Variants in PLD5 observed in about 807,000 individuals in gnomAD.
PLD5 encodes the protein phospholipase D family member 5, also known as inactive phospholipase D5.
Under a neutral mutation model 61.1 loss-of-function variants are expected in PLD5, and 36 were observed. The observed-to-expected ratio is 0.59, with a 90% CI of 0.45 to 0.78. PLD5 has a LOEUF of 0.78. Ranked by LOEUF, PLD5 falls within the 30% of genes least tolerant of loss-of-function variation. The pLI is 0.00. For synonymous variants in PLD5, 243 were observed against 242.8 expected (o/e 1.00, Z -0.01); for missense variants, 515 against 644.4 (o/e 0.80, Z 2.17).
At position 242,201,666 on chromosome 1, in the gene PLD5, TTAA is replaced by T. The variant is rs113877324; in HGVS notation, c.735+18319_735+18321del. ...CCTCCTGAATAGCAGTGAAACATTT[TTAA>T]TAATAAAAATTTAATAATTTTTAAT... On this transcript the variant is annotated intron_variant, in intron 5 of 9. Transcript: ENST00000536534. Among the ~76,000 whole-genome samples the T allele has an allele frequency of 1.1e-4, 17 of 152,244 alleles. 1 individual carries two copies. Among genetic ancestry groups the T allele is most frequent in the African/African-American group, 4.1e-4 (17 of 41,566 alleles).
chr1:242,156,506 T>C (rs1665384633), intron 5 of PLD5, among the ~76,000 whole-genome samples: 1 of 152,170 alleles, frequency 6.6e-6, no homozygotes, highest in African/African-American at 2.4e-5. Flanking sequence ...TTCCTTTCCT[T>C]GTTTAGTGCT....
chr1:242,229,890 C>T (rs9633360), intron 4 of PLD5, among the ~76,000 whole-genome samples: 31,920 of 150,382 alleles, frequency 0.21, 3,717 homozygotes, highest in East Asian at 0.38. Flanking sequence ...CTGGTAAGAC[C>T]TCTAAAAAAA....
chr1:242,206,330 C>T (rs1163872590), intron 5 of PLD5, among the ~76,000 whole-genome samples: 1 of 152,216 alleles, frequency 6.6e-6, no homozygotes, highest in Non-Finnish European at 1.5e-5. Flanking sequence ...TATGATGCAG[C>T]TCTTGCCAGG....
chr1:242,413,937 T>C (rs75566631), intron 1 of PLD5, among the ~76,000 whole-genome samples: 5,655 of 152,228 alleles, frequency 0.037, 367 homozygotes, highest in African/African-American at 0.13. Flanking sequence ...AAGATTTTTG[T>C]CCTGCAGATA....
At chr1:242,244,071 T>C (rs1325196619) in intron 4 of PLD5, among the ~76,000 whole-genome samples, 1 of 152,198 alleles carries the variant, frequency 6.6e-6, no homozygotes, top group Non-Finnish European at 1.5e-5. Context: ...AGAATAAATA[T>C]GCCTTCCATT....
intron 5 of PLD5, among the ~76,000 whole-genome samples, chr1:242,193,060 T>G (rs1019467205): frequency 6.6e-6 from 1 of 152,190 alleles, no homozygotes; most frequent in African/African-American, 2.4e-5. Flanking sequence ...AATTGATCCC[T>G]ACCTCCTTTA....
At chr1:242,169,592 C>G (rs589333) in intron 5 of PLD5, among the ~76,000 whole-genome samples, 98,881 of 151,838 alleles carry the variant, frequency 0.65, 32,487 homozygotes, top group East Asian at 0.74. Context: ...TATTCACCCC[C>G]CTGCAAAGGA....
At chr1:242,527,114 C>CTTTTTTTTTTTTTTTTTTTTTT (rs530334746), upstream of PLD5, among the ~76,000 whole-genome samples, 20 of 71,976 alleles carry the variant, frequency 2.8e-4, 3 homozygotes, top group South Asian at 5.4e-4. Flanking sequence ...CTATCTCCTT[C>CTTTTTTTTTTTTTTTTTTTTTT]TTTTTTTTTT....
At chr1:242,101,023 C>T (rs1296939314) in intron 8 of PLD5, among the ~76,000 whole-genome samples, 1 of 152,166 alleles carries the variant, frequency 6.6e-6, no homozygotes, top group Non-Finnish European at 1.5e-5. Flanking sequence ...ACAAAATGAA[C>T]ACAAAATTCG....
intron 3 of PLD5, among the ~76,000 whole-genome samples, chr1:242,269,651 A>C (rs1278573604): frequency 6.6e-6 from 1 of 152,002 alleles, no homozygotes; most frequent in Admixed American, 6.6e-5. Flanking sequence ...TTTATATACT[A>C]TCTTTGGCTA....
At chr1:242,268,091 G>A (rs34975725) in intron 3 of PLD5, among the ~76,000 whole-genome samples, 40,458 of 151,876 alleles carry the variant, frequency 0.27, 6,161 homozygotes, top group Non-Finnish European at 0.35. Context: ...GAGAATCCAC[G>A]TCAAGGGGCT....
rs193096402 is a variant in PLD5 at position 242,414,428 on chromosome 1, C to T, written c.190-66186G>A. Among the ~76,000 whole-genome samples, 154 of 152,122 alleles carry T rather than the reference C, an allele frequency of 1.0e-3. 1 individual carries two copies. The highest frequency in any genetic ancestry group is 3.5e-3 in the African/African-American group (146 of 41,478). ...TGGCTCTATGGAAACATAAATAATACAGGTCAAATACATGAATAATTTTCA... is the reference window on the plus strand; with the variant it reads ...TGGCTCTATGGAAACATAAATAATATAGGTCAAATACATGAATAATTTTCA... On this transcript the variant is annotated intron_variant, in intron 1 of 9. Transcript: ENST00000536534.
rs577823278 is a variant in PLD5, at chr1:242,156,091, T to G, written c.736-31426A>C. Among the ~76,000 whole-genome samples, 80 of 152,330 alleles carry G rather than the reference T, an allele frequency of 5.3e-4. 2 individuals are homozygous for G. The South Asian group carries it at 0.016, about 30-fold the overall frequency. On this transcript the variant is annotated intron_variant, in intron 5 of 9. Coordinates refer to ENST00000536534, the MANE Select transcript of PLD5 (RefSeq NM_001372062.1). ...AGCTCTTCTTGTTGCATTGATCCCT[T>G]TACCATTATGTAATGCCCCTCTTTG...
At chr1:242,377,258 G>A (rs1446394144) in intron 1 of PLD5, 15 of 1,610,314 alleles carry the variant, frequency 9.3e-6, no homozygotes, top group African/African-American at 5.3e-5. Context: ...GGACGTGTTC[G>A]TGGAACTGCA....
chr1:242,433,478 C>G (rs1387647941), intron 1 of PLD5, among the ~76,000 whole-genome samples: 1 of 152,122 alleles, frequency 6.6e-6, no homozygotes, highest in Admixed American at 6.6e-5. Context: ...TGTTTCGCAC[C>G]TTATTTTTTC....
chr1:242,429,695 T>G (rs1054211700), intron 1 of PLD5, among the ~76,000 whole-genome samples: 6 of 152,252 alleles, frequency 3.9e-5, no homozygotes, highest in Non-Finnish European at 8.8e-5. Context: ...TCTAAATCAT[T>G]GCTTCCTTTC....
chr1:242,459,780 C>T (rs1444957831), intron 1 of PLD5, among the ~76,000 whole-genome samples: 1 of 152,092 alleles, frequency 6.6e-6, no homozygotes, highest in African/African-American at 2.4e-5. Context: ...AGATTCCTAT[C>T]CCAGAAAAGC....
In PLD5 at chr1:242,450,334, T is replaced by C. The variant is rs182182669; in HGVS notation, c.189+73754A>G. Among the ~76,000 whole-genome samples the C allele has an allele frequency of 3.1e-3, 468 of 152,344 alleles. 2 individuals are homozygous for C. Among genetic ancestry groups the C allele is most frequent in the African/African-American group, 0.011 (443 of 41,582 alleles). The stretch of plus-strand genomic sequence containing the variant: ...GTAAATTGCAGGAGGGCAGGTGCCA[T>C]GCTTCTTTTGTTCAAATCTGCATCC... On this transcript the variant is annotated intron_variant, in intron 1 of 9. Transcript: ENST00000536534.
intron 1 of PLD5, among the ~76,000 whole-genome samples, chr1:242,493,650 C>T (rs939049121): frequency 3.3e-5 from 5 of 152,142 alleles, no homozygotes; most frequent in African/African-American, 4.8e-5. Context: ...AAAGCAGCCC[C>T]AGGGAGCTGC....
Sources: allele counts gnomAD v4.1 joint callset (sites outside exome capture counted in the v4.1 genomes callset), GRCh38; gene constraint gnomAD v4.1.1; transcripts MANE v1.5; gene names NCBI Gene and HGNC (gene_info 2026-07-23, HGNC 2026-07-21).